Variants in ARAP2 observed in about 807,000 individuals in gnomAD.
The protein encoded by ARAP2 is ArfGAP with RhoGAP domain, ankyrin repeat and PH domain 2.
In ARAP2, 148 loss-of-function variants were observed where a neutral mutation model predicts 194.5. The observed-to-expected ratio is 0.76, with a 90% CI of 0.67 to 0.87. ARAP2 has a LOEUF of 0.87. Ranked by LOEUF, ARAP2 falls within the 40% of genes least tolerant of loss-of-function variation. The probability of loss-of-function intolerance (pLI) is 0.00; values close to 1 mark genes in which losing one functional copy is unlikely to be tolerated. For missense variants in ARAP2, 2,128 were observed against 1,989.7 expected, an observed-to-expected ratio of 1.07 and a Z score of -1.32; for synonymous variants, 695 against 683.5, an observed-to-expected ratio of 1.02 and a Z score of -0.26.
chr4:36,191,126 AGTTTATCCCCTAC>A (rs561646568), intron 7 of ARAP2, among the ~76,000 whole-genome samples: 296 of 152,296 alleles, frequency 1.9e-3, no homozygotes, highest in African/African-American at 7.0e-3. Context: ...AAACATTTAC[AGTTTATCCCCTAC>A]GTGATCTGTT....
intron 15 of ARAP2, among the ~76,000 whole-genome samples, chr4:36,155,477 T>A (rs1463173894): frequency 6.6e-6 from 1 of 151,638 alleles, no homozygotes. Flanking sequence ...GAACAGCAGG[T>A]GAAAAGGTCC....
chr4:36,069,787 T>C (rs1214941125), intron 32 of ARAP2, among the ~76,000 whole-genome samples: 1 of 152,256 alleles, frequency 6.6e-6, no homozygotes, highest in Non-Finnish European at 1.5e-5. Flanking sequence ...TCAAATGCAG[T>C]CCAGTGTTGG....
chr4:36,128,575 G>C lies in ARAP2; in HGVS notation c.3598C>G (p.Leu1200Val). The change falls in exon 21 of 33, where the codon CTG (leucine) becomes GTG (valine). Residue 1200 changes from leucine (L) to valine (V), a missense_variant. Coordinates refer to ENST00000303965, the MANE Select transcript of ARAP2 (RefSeq NM_015230.4). ...TATGGGTAGAGCTCCTTAGTAAGCA[G>C]TGCATCATCAATGTCAGAGAGAAAA... is the stretch of plus-strand genomic sequence containing the variant. ...KSFLSDIDDA[L>V]LTKELYPYWI... 1 of 1,612,812 alleles carries C rather than the reference G, an allele frequency of 6.2e-7. No homozygotes were observed. Among genetic ancestry groups the C allele is most frequent in the South Asian group, 1.1e-5 (1 of 91,044 alleles).
chr4:36,122,755 A>G (rs944245069), intron 22 of ARAP2, among the ~76,000 whole-genome samples: 2 of 151,714 alleles, frequency 1.3e-5, no homozygotes, highest in African/African-American at 4.8e-5. Flanking sequence ...CTGAACTTAA[A>G]AGTTTACAAA....
chr4:36,007,204 T>C (rs1335862142), intron 9 of ARAP2, among the ~76,000 whole-genome samples: 1 of 152,210 alleles, frequency 6.6e-6, no homozygotes, highest in Non-Finnish European at 1.5e-5. Flanking sequence ...CCCCGAAATA[T>C]ATTCTAGATT....
chr4:36,199,605 T>A (rs867491891), intron 6 of ARAP2, among the ~76,000 whole-genome samples: 2 of 152,104 alleles, frequency 1.3e-5, no homozygotes, highest in African/African-American at 2.4e-5. Context: ...AAAAACTTTT[T>A]AACCAACATC....
intron 1 of ARAP2, among the ~76,000 whole-genome samples, chr4:36,238,269 A>G (rs766876113): frequency 6.6e-6 from 1 of 152,078 alleles, no homozygotes; most frequent in Non-Finnish European, 1.5e-5. Flanking sequence ...ATCTTCTTTC[A>G]TTCTCCCTCA....
intron 32 of ARAP2, among the ~76,000 whole-genome samples, chr4:36,072,171 A>T (rs1201490336): frequency 1.3e-5 from 2 of 152,106 alleles, no homozygotes; most frequent in Non-Finnish European, 2.9e-5. Flanking sequence ...AAAATTAAAC[A>T]TTTAAAAAAT....
At chr4:36,218,077 A>G (rs1417271220) in intron 2 of ARAP2, among the ~76,000 whole-genome samples, 2 of 152,302 alleles carry the variant, frequency 1.3e-5, no homozygotes, top group East Asian at 1.9e-4. Context: ...GTGATTTATT[A>G]TATAGCTGTA....
At chr4:36,043,707 C>G (rs556662876) in intron 5 of ARAP2, among the ~76,000 whole-genome samples, 25 of 148,692 alleles carry the variant, frequency 1.7e-4, no homozygotes, top group African/African-American at 6.2e-4. Context: ...GCCCTGTGAT[C>G]GTGTTTGTGA....
chr4:36,054,412 C>T (rs1723163317), intron 2 of ARAP2, among the ~76,000 whole-genome samples: 1 of 152,146 alleles, frequency 6.6e-6, no homozygotes, highest in South Asian at 2.1e-4. Context: ...GAGAGACCTA[C>T]AAAATCTCTG....
intron 2 of ARAP2, among the ~76,000 whole-genome samples, chr4:36,215,711 C>T (rs1218169384): frequency 2.6e-5 from 4 of 152,124 alleles, no homozygotes; most frequent in Non-Finnish European, 5.9e-5. Flanking sequence ...GGTTAACCTG[C>T]CATGGTGTTC....
At chr4:36,141,509 A>T (rs1728304316) in intron 19 of ARAP2, among the ~76,000 whole-genome samples, 1 of 151,732 alleles carries the variant, frequency 6.6e-6, no homozygotes, top group African/African-American at 2.4e-5. Flanking sequence ...CTATGCATAT[A>T]GAGAAAATGA....
intron 5 of ARAP2, among the ~76,000 whole-genome samples, chr4:36,027,200 A>T (rs1259173839): frequency 2.0e-5 from 3 of 152,164 alleles, no homozygotes; most frequent in African/African-American, 7.2e-5. Flanking sequence ...CATTCTCAAA[A>T]TAACTCTATG....
At chr4:36,014,890 T>A (rs2221772) in intron 8 of ARAP2, among the ~76,000 whole-genome samples, 23,689 of 152,048 alleles carry the variant, frequency 0.16, 3,922 homozygotes, top group African/African-American at 0.42. Flanking sequence ...TTCTTTGAAA[T>A]AAAAAGGTTT....
chr4:36,135,553 G>A (rs1578020278), intron 19 of ARAP2, among the ~76,000 whole-genome samples: 1 of 151,704 alleles, frequency 6.6e-6, no homozygotes, highest in Middle Eastern at 3.4e-3. Flanking sequence ...TTTTCTTTTT[G>A]AAGAATTCTG....
At chr4:36,006,192 A>C (rs554681872) in intron 10 of ARAP2, 2 of 152,332 alleles carry the variant, frequency 1.3e-5, no homozygotes, top group South Asian at 4.1e-4. Flanking sequence ...AGCTCCTCTG[A>C]GAGAGGTCAG....
chr4:36,118,809 T>C (rs185838717), intron 24 of ARAP2, among the ~76,000 whole-genome samples: 1 of 151,560 alleles, frequency 6.6e-6, no homozygotes, highest in East Asian at 1.9e-4. Flanking sequence ...GAGAAAATAA[T>C]TCATTAATAT....
Position 36,147,596 on chromosome 4 carries a change from G to A in ARAP2, c.3151C>T (p.Gln1051Ter). 6.2e-7 allele frequency: 1 copy of A among 1,613,542 alleles called. No homozygotes were observed. Among genetic ancestry groups the A allele is most frequent in the Non-Finnish European group, 8.5e-7 (1 of 1,179,658 alleles). Residue 1051 changes from glutamine to a stop codon, truncating the protein, a stop_gained, in exon 18 of 33, where the codon CAA becomes TAA. Coordinates refer to ENST00000303965, the MANE Select transcript of ARAP2 (RefSeq NM_015230.4). LOFTEE classifies it high-confidence loss of function. The stretch of plus-strand genomic sequence containing the variant: ...TGCATTCTATCTCCCTGAACTTCTT[G>A]CATTTGAAGGCAAAAATGCAAGCTG... ...KSSLHFCLQM[Q>*]EVQGDRMHLR...
Sources: gnomAD v4.1 joint callset for allele counts (sites outside exome capture counted in the v4.1 genomes callset) on GRCh38, gnomAD v4.1.1 for gene constraint, MANE v1.5 for transcripts, NCBI Gene and HGNC (gene_info 2026-07-23, HGNC 2026-07-21) for gene names.